EPHA6: variants seen among roughly 807,000 people sequenced by gnomAD.
The protein encoded by EPHA6 is EPH receptor A6.
A neutral mutation model predicts 112.0 loss-of-function variants in EPHA6; 50 were observed. The ratio of observed to expected loss-of-function variants is 0.45; its 90% CI spans 0.36 to 0.56. The LOEUF is 0.56. EPHA6 is among the 20% of genes least tolerant of loss of function. EPHA6 has a pLI of 0.00. For missense variants in EPHA6, 1,280 were observed against 1,417.4 expected, an observed-to-expected ratio of 0.90 and a Z score of 1.56; for synonymous variants, 529 against 490.7, an observed-to-expected ratio of 1.08 and a Z score of -1.03.
intron 2 of EPHA6, among the ~76,000 whole-genome samples, chr3:96,976,159 G>T (rs1342368627): frequency 6.6e-6 from 1 of 152,122 alleles, no homozygotes; most frequent in Non-Finnish European, 1.5e-5. Context: ...TTAAATAGGG[G>T]TAGGAACTTT....
At chr3:97,048,878 G>C (rs2045595456) in intron 3 of EPHA6, among the ~76,000 whole-genome samples, 1 of 152,102 alleles carries the variant, frequency 6.6e-6, no homozygotes, top group Admixed American at 6.6e-5. Flanking sequence ...GAGAGAATAG[G>C]AAGTGTGAGA....
At position 97,548,970 on chromosome 3, in the gene EPHA6, A is replaced by T. The variant is rs115416978; in HGVS notation, c.2386+16427A>T. ...AGTGACATCCTAGCCATCCTAATAT[A>T]GTGCAAAGTATTACTCACTTGTGGG... On this transcript the variant is annotated intron_variant, in intron 11 of 17. Transcript: ENST00000389672. 1.9e-3 allele frequency among the ~76,000 whole-genome samples: 297 copies of T among 152,338 alleles called. 1 individual carries two copies. The highest frequency in any genetic ancestry group is 6.7e-3 in the African/African-American group (278 of 41,570).
At chr3:96,972,424 A>AAC (rs3070424) in intron 2 of EPHA6, among the ~76,000 whole-genome samples, 1,830 of 144,822 alleles carry the variant, frequency 0.013, 15 homozygotes, top group East Asian at 0.046. Context: ...CACACACACA[A>AAC]ACACACACAC....
intron 5 of EPHA6, among the ~76,000 whole-genome samples, chr3:97,279,029 C>T (rs953248008): frequency 2.0e-5 from 3 of 152,206 alleles, no homozygotes; most frequent in Non-Finnish European, 2.9e-5. Context: ...GAACGTGAGA[C>T]AGCTTTTCAC....
At chr3:96,997,763 TA>T (rs1263077048) in intron 3 of EPHA6, among the ~76,000 whole-genome samples, 2 of 152,024 alleles carry the variant, frequency 1.3e-5, no homozygotes, top group African/African-American at 4.8e-5. Context: ...AAGTTTGAAA[TA>T]TTGCTGGAAT....
chr3:97,008,817 T>A (rs2043978024), intron 3 of EPHA6, among the ~76,000 whole-genome samples: 1 of 152,072 alleles, frequency 6.6e-6, no homozygotes, highest in Non-Finnish European at 1.5e-5. Flanking sequence ...TTGTTGTTGT[T>A]GATGATGATG....
chr3:97,522,212 G>A (rs1399024133), intron 10 of EPHA6, among the ~76,000 whole-genome samples: 4 of 152,104 alleles, frequency 2.6e-5, no homozygotes, highest in Non-Finnish European at 5.9e-5. Flanking sequence ...ATGCCCAGCT[G>A]GGAAGTGTTA....
At chr3:97,506,407 C>T (rs571138453) in intron 10 of EPHA6, among the ~76,000 whole-genome samples, 1 of 152,296 alleles carries the variant, frequency 6.6e-6, no homozygotes, top group East Asian at 1.9e-4. Context: ...ATATGGCTAG[C>T]CAGTTTTCCC....
intron 14 of EPHA6, among the ~76,000 whole-genome samples, chr3:97,717,231 C>CAA (rs748817650): frequency 0.034 from 1,641 of 48,694 alleles, 25 homozygotes; most frequent in Middle Eastern, 0.094. Context: ...AACTCCATCT[C>CAA]AAAAAAAAAA....
At chr3:97,413,297 C>A (rs372083322) in intron 6 of EPHA6, among the ~76,000 whole-genome samples, 1 of 151,754 alleles carries the variant, frequency 6.6e-6, no homozygotes, top group Non-Finnish European at 1.5e-5. Context: ...GTTGAGGATG[C>A]GCCTGAGGAA....
rs536019222 is a variant in EPHA6, at chr3:97,549,792, C to G, written c.2386+17249C>G. Among the ~76,000 whole-genome samples the G allele has an allele frequency of 1.1e-3, 160 of 151,892 alleles. 1 individual carries two copies. In the Middle Eastern group the frequency reaches 0.017, roughly 16 times the overall value. On this transcript the variant is annotated intron_variant, in intron 11 of 17. Coordinates refer to ENST00000389672, the MANE Select transcript of EPHA6 (RefSeq NM_001080448.3). The stretch of plus-strand genomic sequence containing the variant: ...TGCTACTGCACTCCAGCCTGGGCGA[C>G]AAGGCGAGACTCTGTCTCCAAAATA...
At chr3:96,986,040 A>G (rs1046495953) in intron 2 of EPHA6, among the ~76,000 whole-genome samples, 7 of 152,180 alleles carry the variant, frequency 4.6e-5, no homozygotes, top group Non-Finnish European at 7.4e-5. Flanking sequence ...ATGATAAACT[A>G]TGATGCCTAG....
intron 6 of EPHA6, among the ~76,000 whole-genome samples, chr3:97,435,885 G>A (rs1167846345): frequency 2.0e-5 from 3 of 152,048 alleles, no homozygotes; most frequent in East Asian, 1.9e-4. Context: ...TACTCTACTC[G>A]CATTTAAAAC....
chr3:97,602,810 A>C (rs1316063613), intron 12 of EPHA6, among the ~76,000 whole-genome samples: 1 of 152,088 alleles, frequency 6.6e-6, no homozygotes, highest in East Asian at 1.9e-4. Flanking sequence ...TTAAAGAAGA[A>C]AACCAAGAAC....
At chr3:96,924,581 A>G (rs934939807) in intron 2 of EPHA6, among the ~76,000 whole-genome samples, 2 of 152,164 alleles carry the variant, frequency 1.3e-5, no homozygotes, top group African/African-American at 4.8e-5. Flanking sequence ...GGATCATACC[A>G]TCTGCAAACA....
At chr3:97,523,707 T>C (rs1387494018) in intron 10 of EPHA6, among the ~76,000 whole-genome samples, 1 of 152,056 alleles carries the variant, frequency 6.6e-6, no homozygotes, top group Non-Finnish European at 1.5e-5. Context: ...TTTATTAATG[T>C]TTGCTTTATG....
intron 2 of EPHA6, among the ~76,000 whole-genome samples, chr3:96,904,900 A>T (rs2038844705): frequency 6.6e-6 from 1 of 152,176 alleles, no homozygotes; most frequent in Non-Finnish European, 1.5e-5. Context: ...TTAAAATTGT[A>T]AACGGACAAC....
chr3:96,921,599 G>C (rs1182151533), intron 2 of EPHA6, among the ~76,000 whole-genome samples: 1 of 146,446 alleles, frequency 6.8e-6, no homozygotes, highest in East Asian at 2.0e-4. Context: ...TTTTTTTCAA[G>C]ACTCTGTCAT....
intron 2 of EPHA6, among the ~76,000 whole-genome samples, chr3:96,927,805 C>T (rs2040115159): frequency 6.6e-6 from 1 of 152,144 alleles, no homozygotes; most frequent in African/African-American, 2.4e-5. Flanking sequence ...ACTCCGGGTA[C>T]CAATTTCCTG....
Sources: gnomAD v4.1 joint callset for allele counts (sites outside exome capture counted in the v4.1 genomes callset) on GRCh38, gnomAD v4.1.1 for gene constraint, MANE v1.5 for transcripts, NCBI Gene and HGNC (gene_info 2026-07-23, HGNC 2026-07-21) for gene names.